GALNT14: variants seen among roughly 807,000 people sequenced by gnomAD.
GALNT14 encodes the protein UDP-GalNAc:polypeptide N-acetylgalactosaminyltransferase 14.
In GALNT14, 60 loss-of-function variants were observed where a neutral mutation model predicts 77.5. That is an observed-to-expected ratio of 0.77 (90% CI 0.63 to 0.96). GALNT14 has a LOEUF of 0.96. Among genes scored for constraint, GALNT14 ranks in the 40% least tolerant of loss-of-function variants. The pLI is 0.00. For missense variants in GALNT14, 710 were observed against 731.0 expected, an observed-to-expected ratio of 0.97 and a Z score of 0.33; for synonymous variants, 280 against 281.7, an observed-to-expected ratio of 0.99 and a Z score of 0.06.
chr2:30,993,638 G>A (rs77407524), intron 1 of GALNT14, among the ~76,000 whole-genome samples: 3,274 of 152,322 alleles, frequency 0.021, 129 homozygotes, highest in African/African-American at 0.076. Flanking sequence ...AGCATCAATG[G>A]GGGAGTGAGT....
chr2:31,084,746 G>A (rs986449288), intron 1 of GALNT14, among the ~76,000 whole-genome samples: 6 of 152,188 alleles, frequency 3.9e-5, no homozygotes, highest in South Asian at 2.1e-4. Flanking sequence ...GTGTGTGGCC[G>A]AGTGCAGTGG....
intron 1 of GALNT14, among the ~76,000 whole-genome samples, chr2:31,133,093 C>G (rs962307706): frequency 6.6e-6 from 1 of 151,862 alleles, no homozygotes; most frequent in African/African-American, 2.4e-5. Context: ...TCCCTGGCCC[C>G]CTACCCGCCA....
rs753835346 is a variant in GALNT14 at position 31,120,155 on chromosome 2, CAAAAAAAAAAAAA to C, written c.129+17790_129+17802del. ...TGGGCGACAGAGCGAGACTCCGTCT[CAAAAAAAAAAAAA>C]AAAAAAAAAAATAATGAGCTAGCTG... On this transcript the variant is annotated intron_variant, in intron 1 of 14. Transcript: ENST00000349752. 9.0e-5 allele frequency among the ~76,000 whole-genome samples: 6 copies of C among 66,786 alleles called. 1 individual carries two copies. The highest frequency in any genetic ancestry group is 8.4e-4 in the Admixed American group (5 of 5,932). 43.8% of individuals were successfully genotyped at this position (66,786 alleles called of 152,430 possible). A position where few individuals can be genotyped will look rare whatever the true frequency, so the allele number is the denominator to read the frequency against.
chr2:30,931,988 G>A lies in GALNT14; in HGVS notation c.1058+80C>T, dbSNP rs1665758218. The A allele has an allele frequency of 9.5e-6, 13 of 1,371,838 alleles. No individual in the cohort carries two copies. The South Asian group carries it at 1.1e-4, about 11-fold the overall frequency. 85.0% of individuals were successfully genotyped at this position (1,371,838 alleles called of 1,614,324 possible). The stretch of plus-strand genomic sequence containing the variant: ...GGCAGCCTAACAGAGCACCAGGGAC[G>A]GCTGCAACCCTTACCAGCAGCCGCC... On this transcript the variant is annotated intron_variant, in intron 10 of 14. Transcript: ENST00000349752.
chr2:30,988,066 G>T (rs1437676312), intron 2 of GALNT14, among the ~76,000 whole-genome samples: 2 of 152,246 alleles, frequency 1.3e-5, no homozygotes, highest in Admixed American at 1.3e-4. Context: ...ATCGAAGGGT[G>T]AGGAGAAGGG....
At chr2:31,038,354 A>G (rs1369623313) in intron 1 of GALNT14, among the ~76,000 whole-genome samples, 1 of 151,840 alleles carries the variant, frequency 6.6e-6, no homozygotes, top group African/African-American at 2.4e-5. Flanking sequence ...TCAGCCTCCC[A>G]AACTGCTAGG....
chr2:31,080,915 C>T (rs191650679), intron 1 of GALNT14, among the ~76,000 whole-genome samples: 1 of 152,246 alleles, frequency 6.6e-6, no homozygotes, highest in East Asian at 1.9e-4. Context: ...TATGTGGCCA[C>T]GTTCTAAGAA....
intron 1 of GALNT14, among the ~76,000 whole-genome samples, chr2:31,101,696 T>G (rs1677284923): frequency 6.6e-6 from 1 of 152,126 alleles, no homozygotes; most frequent in African/African-American, 2.4e-5. Context: ...CACATTTTCT[T>G]GATTAGATTA....
At chr2:31,042,915 T>G (rs1218408323) in intron 1 of GALNT14, among the ~76,000 whole-genome samples, 1 of 152,206 alleles carries the variant, frequency 6.6e-6, no homozygotes, top group Non-Finnish European at 1.5e-5. Context: ...ATGTCATTCC[T>G]TTCCTCAAAA....
chr2:31,103,444 G>A (rs895048588), intron 1 of GALNT14, among the ~76,000 whole-genome samples: 2 of 151,452 alleles, frequency 1.3e-5, no homozygotes, highest in African/African-American at 4.9e-5. Context: ...TTGTGAAAGT[G>A]CACAGAGATG....
At chr2:30,935,991 G>C (rs762052687) in intron 9 of GALNT14, among the ~76,000 whole-genome samples, 1 of 152,128 alleles carries the variant, frequency 6.6e-6, no homozygotes, top group Non-Finnish European at 1.5e-5. Context: ...TTTGCTGGGG[G>C]TTCTTGCTGA....
At chr2:30,921,722 T>G (rs1046698039) in intron 13 of GALNT14, among the ~76,000 whole-genome samples, 1 of 152,070 alleles carries the variant, frequency 6.6e-6, no homozygotes, top group Non-Finnish European at 1.5e-5. Context: ...AAGTGGAGGC[T>G]TTTGCTGTAA....
Position 30,918,861 on chromosome 2 carries a change from G to T in GALNT14, c.1380+5258C>A, listed in dbSNP as rs180893206. On this transcript the variant is annotated intron_variant, in intron 13 of 14. Coordinates refer to ENST00000349752, the MANE Select transcript of GALNT14 (RefSeq NM_024572.4). ...GGCAGGGAAGGTGGCATCAGGCGGG[G>T]AAGGTGGCATCAGGCAGGGAGGGTG... is the stretch of plus-strand genomic sequence containing the variant. Among the ~76,000 whole-genome samples, 46 of 146,482 alleles carry T rather than the reference G, an allele frequency of 3.1e-4. No individual in the cohort carries two copies. The East Asian group carries it at 8.7e-3, about 28-fold the overall frequency.
Position 30,910,770 on chromosome 2 carries a change from G to C in GALNT14, c.*131C>G, listed in dbSNP as rs1664307053. On this transcript the variant is annotated 3_prime_UTR_variant, in exon 15 of 15. Transcript: ENST00000349752. ...TCCCTGAGACAGTTGCTCCTGTCCT[G>C]GGGGGCTCTGCCTCCACCTCCCAGT... is the stretch of plus-strand genomic sequence containing the variant. The C allele has an allele frequency of 1.1e-6, 1 of 921,916 alleles. No homozygotes were observed. The highest frequency in any genetic ancestry group is 2.6e-5 in the East Asian group (1 of 38,894). The allele number at this position is 921,916 out of a possible 1,614,324, so 57.1% of individuals were successfully genotyped here.
At chr2:31,083,130 G>A (rs542732503) in intron 1 of GALNT14, among the ~76,000 whole-genome samples, 1 of 152,192 alleles carries the variant, frequency 6.6e-6, no homozygotes, top group Non-Finnish European at 1.5e-5. Flanking sequence ...GGCTTCCCAG[G>A]ATATGGGGCA....
chr2:31,064,761 T>C (rs1176315059), intron 1 of GALNT14, among the ~76,000 whole-genome samples: 1 of 151,910 alleles, frequency 6.6e-6, no homozygotes, highest in Non-Finnish European at 1.5e-5. Flanking sequence ...TTCTCGGAAA[T>C]GGCTCTGCTC....
chr2:30,959,699 G>C (rs1667572254), intron 3 of GALNT14, among the ~76,000 whole-genome samples: 1 of 152,152 alleles, frequency 6.6e-6, no homozygotes, highest in Non-Finnish European at 1.5e-5. Context: ...ACTTAATTTG[G>C]TGCATCATTA....
At chr2:31,068,507 C>CAAAAAAAAA (rs56916863) in intron 1 of GALNT14, among the ~76,000 whole-genome samples, 2 of 104,338 alleles carry the variant, frequency 1.9e-5, no homozygotes, top group African/African-American at 7.2e-5. Context: ...GACCCCGTCT[C>CAAAAAAAAA]AAAAAAAAAA....
chr2:31,107,072 T>G (rs1415514441), intron 1 of GALNT14, among the ~76,000 whole-genome samples: 2 of 152,228 alleles, frequency 1.3e-5, no homozygotes, highest in Non-Finnish European at 2.9e-5. Context: ...GTATGTTATA[T>G]CTCAACAAAC....
Sources: allele counts gnomAD v4.1 joint callset (sites outside exome capture counted in the v4.1 genomes callset), GRCh38; gene constraint gnomAD v4.1.1; transcripts MANE v1.5; gene names NCBI Gene and HGNC (gene_info 2026-07-23, HGNC 2026-07-21).